Variants in CNTN6 observed in about 807,000 individuals in gnomAD.
CNTN6 encodes contactin-6.
CNTN6 carries 137 observed loss-of-function variants against 122.8 expected under a neutral mutation model. That is an observed-to-expected ratio of 1.12 (90% confidence interval 0.97 to 1.29). CNTN6 has a LOEUF of 1.29. Among genes scored for constraint, CNTN6 ranks in the 50% most tolerant of loss-of-function variants. The pLI is 0.00. For missense variants in CNTN6, 1,634 were observed against 1,223.4 expected (o/e 1.34, Z -5.01); for synonymous variants, 570 against 426.0 (o/e 1.34, Z -4.16).
At chr3:1,206,668 C>G (rs2093961884) in intron 2 of CNTN6, among the ~76,000 whole-genome samples, 1 of 152,162 alleles carries the variant, frequency 6.6e-6, no homozygotes, top group African/African-American at 2.4e-5. Context: ...TTCAAATTCA[C>G]TGTCTTCAAT....
At chr3:1,185,451 G>A (rs958643733) in intron 2 of CNTN6, among the ~76,000 whole-genome samples, 2 of 152,154 alleles carry the variant, frequency 1.3e-5, no homozygotes, top group Non-Finnish European at 2.9e-5. Context: ...ACCTCCAGGG[G>A]TTCCATTTCC....
At chr3:1,365,323 A>G (rs1299728704) in intron 12 of CNTN6, among the ~76,000 whole-genome samples, 1 of 152,104 alleles carries the variant, frequency 6.6e-6, no homozygotes, top group Admixed American at 6.6e-5. Context: ...TTTTTAATAT[A>G]ACATAAAACC....
chr3:1,373,075 A>G, intron 14 of CNTN6, 120 bp downstream of exon 14: 1 of 636,626 alleles, frequency 1.6e-6, no homozygotes, highest in Non-Finnish European at 2.7e-6. Context: ...AATCAGATAG[A>G]GTTTTATTTT....
chr3:1,331,561 A>G (rs1252436434), intron 11 of CNTN6, among the ~76,000 whole-genome samples: 1 of 152,008 alleles, frequency 6.6e-6, no homozygotes, highest in Non-Finnish European at 1.5e-5. Flanking sequence ...ATTCTTTTTA[A>G]ATGTTTCCTC....
At chr3:1,255,859 ATTTTAG>A (rs1559626438) in intron 4 of CNTN6, among the ~76,000 whole-genome samples, 1 of 151,634 alleles carries the variant, frequency 6.6e-6, no homozygotes. Context: ...ATTTTATTTT[ATTTTAG>A]TTTTAGTTTT....
intron 2 of CNTN6, among the ~76,000 whole-genome samples, chr3:1,150,698 A>G (rs1029730762): frequency 2.0e-5 from 3 of 152,232 alleles, no homozygotes; most frequent in African/African-American, 7.2e-5. Context: ...TATGCATGAC[A>G]GGCTAAATAA....
chr3:1,243,298 G>A (rs1042471484), intron 4 of CNTN6, among the ~76,000 whole-genome samples: 39 of 152,170 alleles, frequency 2.6e-4, no homozygotes, highest in African/African-American at 9.2e-4. Context: ...GAGGTTCTGG[G>A]GGAACGCCTG....
At chr3:1,127,961 G>T (rs1418243435) in intron 1 of CNTN6, among the ~76,000 whole-genome samples, 1 of 151,902 alleles carries the variant, frequency 6.6e-6, no homozygotes, top group South Asian at 2.1e-4. Context: ...AGTGAGCACA[G>T]TCTTTAGGGC....
intron 7 of CNTN6, among the ~76,000 whole-genome samples, chr3:1,311,721 A>G (rs1285623598): frequency 6.6e-6 from 1 of 151,612 alleles, no homozygotes; most frequent in African/African-American, 2.4e-5. Flanking sequence ...TTCAGTATAC[A>G]TATATCCTTC....
chr3:1,226,793 C>T (rs1037028732), intron 3 of CNTN6, among the ~76,000 whole-genome samples: 58 of 152,026 alleles, frequency 3.8e-4, no homozygotes, highest in African/African-American at 1.4e-3. Flanking sequence ...TCTTCCTTTC[C>T]TTTTAGAGAC....
chr3:1,099,396 A>C (rs1226269168), intron 1 of CNTN6, among the ~76,000 whole-genome samples: 1 of 152,190 alleles, frequency 6.6e-6, no homozygotes, highest in Non-Finnish European at 1.5e-5. Context: ...GCTTGCAGTG[A>C]GCCGAGATTG....
intron 2 of CNTN6, among the ~76,000 whole-genome samples, chr3:1,192,683 A>T (rs1354387098): frequency 6.6e-6 from 1 of 152,076 alleles, no homozygotes; most frequent in African/African-American, 2.4e-5. Flanking sequence ...CCAACAACAA[A>T]GATAGCAATG....
intron 20 of CNTN6, among the ~76,000 whole-genome samples, chr3:1,387,362 T>G (rs994856958): frequency 6.6e-6 from 1 of 152,188 alleles, no homozygotes; most frequent in Non-Finnish European, 1.5e-5. Flanking sequence ...TACTCAATGT[T>G]GACTAAATCA....
chr3:1,137,221 A>G (rs2092499361), intron 1 of CNTN6, among the ~76,000 whole-genome samples: 1 of 152,206 alleles, frequency 6.6e-6, no homozygotes, highest in Non-Finnish European at 1.5e-5. Flanking sequence ...GGTGTGAGAC[A>G]ATAGGGGGTG....
At chr3:1,113,164 G>C (rs1372513774) in intron 1 of CNTN6, among the ~76,000 whole-genome samples, 1 of 152,188 alleles carries the variant, frequency 6.6e-6, no homozygotes, top group African/African-American at 2.4e-5. Context: ...AAGCATGGCT[G>C]TGGTAGAAGT....
intron 4 of CNTN6, among the ~76,000 whole-genome samples, chr3:1,276,335 C>T (rs189198561): frequency 1.8e-4 from 28 of 152,220 alleles, no homozygotes; most frequent in East Asian, 5.8e-4. Context: ...AAGAATGTTC[C>T]GAGTCAAACC....
At chr3:1,384,752 TATATATACATATATATACAC>T (rs1285449277) in intron 19 of CNTN6, among the ~76,000 whole-genome samples, 33 of 131,516 alleles carry the variant, frequency 2.5e-4, no homozygotes, top group East Asian at 4.2e-4. Flanking sequence ...TATATACACA[TATATATACATATATATACAC>T]ATATATATAT....
chr3:1,332,821 G>C (rs1322687826), intron 11 of CNTN6, among the ~76,000 whole-genome samples: 1 of 151,936 alleles, frequency 6.6e-6, no homozygotes, highest in Non-Finnish European at 1.5e-5. Flanking sequence ...TACATCTTTG[G>C]TCTGAACCAT....
At chr3:1,388,062 A>C (rs1274190825) in intron 20 of CNTN6, among the ~76,000 whole-genome samples, 2 of 152,186 alleles carry the variant, frequency 1.3e-5, no homozygotes, top group Non-Finnish European at 2.9e-5. Flanking sequence ...AGCCCACCAC[A>C]GCTCAAGGAG....
Sources: gnomAD v4.1 joint callset for allele counts (sites outside exome capture counted in the v4.1 genomes callset) on GRCh38, gnomAD v4.1.1 for gene constraint, MANE v1.5 for transcripts, NCBI Gene and HGNC (gene_info 2026-07-23, HGNC 2026-07-21) for gene names.